Variants in DCAF6 observed in about 807,000 individuals in gnomAD.
DCAF6 encodes DDB1 and CUL4 associated factor 6.
In DCAF6, 54 loss-of-function variants were observed where a neutral mutation model predicts 125.1. The observed-to-expected ratio is 0.43, with a 90% confidence interval of 0.35 to 0.54. The LOEUF (loss-of-function observed/expected upper bound fraction) is 0.54. Among genes scored for constraint, DCAF6 ranks in the 20% least tolerant of loss-of-function variants. The pLI, the probability that DCAF6 is intolerant of heterozygous loss-of-function variation, is 0.01. For synonymous variants in DCAF6, 371 were observed against 390.4 expected (o/e 0.95, Z 0.58); for missense variants, 934 against 1,161.7 (o/e 0.80, Z 2.85).
chr1:167,904,860 A>G, the DCAF6 span: 4 of 1,162,532 alleles, frequency 3.4e-6, no homozygotes, highest in Non-Finnish European at 5.1e-6. Flanking sequence ...TTGTGTTCTC[A>G]GTGGAGCACA....
chr1:167,929,633 CTTAT>C, the DCAF6 span, among the ~76,000 whole-genome samples: 26 of 152,226 alleles, frequency 1.7e-4, no homozygotes, highest in South Asian at 4.8e-3. Flanking sequence ...TCCTAATTTC[CTTAT>C]TTGAGAGAAA....
chr1:167,960,706 CTTTT>C (rs1557894559), intron 2 of DCAF6, among the ~76,000 whole-genome samples: 1 of 152,096 alleles, frequency 6.6e-6, no homozygotes, highest in Non-Finnish European at 1.5e-5. Context: ...GATTTTTATT[CTTTT>C]AAATTTGTTA....
intron 2 of DCAF6, among the ~76,000 whole-genome samples, chr1:167,961,763 G>T (rs1016455812): frequency 6.6e-6 from 1 of 152,110 alleles, no homozygotes; most frequent in Non-Finnish European, 1.5e-5. Flanking sequence ...TCTTTAATTT[G>T]AAAATCTGAA....
At chr1:167,971,508 A>G (rs1224076142) in intron 3 of DCAF6, among the ~76,000 whole-genome samples, 1 of 152,152 alleles carries the variant, frequency 6.6e-6, no homozygotes, top group African/African-American at 2.4e-5. Flanking sequence ...TTACCAAGGG[A>G]TTAAAAAACC....
At chr1:167,887,820 T>C in the DCAF6 span, among the ~76,000 whole-genome samples, 35,176 of 151,676 alleles carry the variant, frequency 0.23, 4,261 homozygotes, top group African/African-American at 0.29. Flanking sequence ...TGTCCATTTT[T>C]GCTTTGGTTG....
intron 21 of DCAF6, among the ~76,000 whole-genome samples, chr1:168,072,205 G>C (rs1693137406): frequency 6.9e-6 from 1 of 145,468 alleles, no homozygotes; most frequent in Non-Finnish European, 1.5e-5. Flanking sequence ...GCTGAGGCAG[G>C]AGAATCGCCT....
chr1:167,876,703 T>C, the DCAF6 span, among the ~76,000 whole-genome samples: 22 of 152,328 alleles, frequency 1.4e-4, 1 homozygote, highest in South Asian at 4.3e-3. Context: ...GTTTGCATAG[T>C]AAACTGATTG....
At chr1:167,974,364 T>C (rs983464713) in intron 3 of DCAF6, among the ~76,000 whole-genome samples, 1 of 152,182 alleles carries the variant, frequency 6.6e-6, no homozygotes, top group Non-Finnish European at 1.5e-5. Context: ...CTTTTAAATA[T>C]TATTAATTGG....
chr1:167,949,081 T>C (rs1315728776), intron 1 of DCAF6, among the ~76,000 whole-genome samples: 5 of 152,230 alleles, frequency 3.3e-5, no homozygotes, highest in Non-Finnish European at 7.3e-5. Flanking sequence ...GTATTAGGTA[T>C]TTGGAATACA....
the DCAF6 span, among the ~76,000 whole-genome samples, chr1:167,906,756 T>G: frequency 1.3e-5 from 2 of 152,092 alleles, no homozygotes; most frequent in Non-Finnish European, 2.9e-5. Context: ...GTCACTGCAC[T>G]CTATCCTAGG....
At chr1:167,916,272 T>C in the DCAF6 span, among the ~76,000 whole-genome samples, 1 of 152,216 alleles carries the variant, frequency 6.6e-6, no homozygotes, top group Admixed American at 6.5e-5. Flanking sequence ...AAAGGCGCGA[T>C]CTCAGCTCAC....
At chr1:167,938,458 G>A (rs1412025846) in intron 1 of DCAF6, among the ~76,000 whole-genome samples, 1 of 152,146 alleles carries the variant, frequency 6.6e-6, no homozygotes, top group Admixed American at 6.5e-5. Flanking sequence ...TTAAGTAGAC[G>A]TTCGCCCTTA....
chr1:167,966,867 T>G (rs1296430719), intron 3 of DCAF6, 146 bp downstream of exon 3: 1 of 556,764 alleles, frequency 1.8e-6, no homozygotes, highest in African/African-American at 1.9e-5. Flanking sequence ...AATTTAGAGG[T>G]TCTTAGGTAC....
rs78397276 is a variant in DCAF6, at chr1:167,944,384, A to G, written c.97+7376A>G. Among the ~76,000 whole-genome samples, 446 of 152,274 alleles carry G rather than the reference A, an allele frequency of 2.9e-3. 1 individual carries two copies. Among genetic ancestry groups the G allele is most frequent in the African/African-American group, 0.01 (424 of 41,538 alleles). Reference sequence around the variant, plus strand: ...AGTTCTATTTTTAATTCTTGGAGAAATCTCCATACTGTTTTCCATAGAGGC... The same window carrying G: ...AGTTCTATTTTTAATTCTTGGAGAAGTCTCCATACTGTTTTCCATAGAGGC... On this transcript the variant is annotated intron_variant, in intron 1 of 21. Coordinates refer to ENST00000367840, the MANE Select transcript of DCAF6 (RefSeq NM_001198956.2).
At chr1:168,006,494 T>C (rs913676802) in intron 10 of DCAF6, among the ~76,000 whole-genome samples, 7 of 152,232 alleles carry the variant, frequency 4.6e-5, no homozygotes, top group Non-Finnish European at 1.0e-4. Flanking sequence ...ATGTAACATC[T>C]GAAGGTTATG....
At chr1:167,878,145 G>A in the DCAF6 span, among the ~76,000 whole-genome samples, 1 of 152,146 alleles carries the variant, frequency 6.6e-6, no homozygotes, top group Non-Finnish European at 1.5e-5. Context: ...GTTGGTGATT[G>A]GGCCCATTTG....
chr1:167,885,848 T>G, the DCAF6 span, among the ~76,000 whole-genome samples: 1 of 152,174 alleles, frequency 6.6e-6, no homozygotes, highest in Non-Finnish European at 1.5e-5. Context: ...ACTCCTGATC[T>G]CGTGACTTGC....
chr1:167,876,991 C>G, the DCAF6 span, among the ~76,000 whole-genome samples: 7 of 152,044 alleles, frequency 4.6e-5, no homozygotes, highest in Non-Finnish European at 1.0e-4. Context: ...TCTGTTGAAC[C>G]CCAGGCACGT....
At chr1:167,891,996 C>G in the DCAF6 span, among the ~76,000 whole-genome samples, 1 of 145,560 alleles carries the variant, frequency 6.9e-6, no homozygotes, top group Admixed American at 6.9e-5. Flanking sequence ...TTTTTAGAGA[C>G]AGGGTCTTGC....
Sources: allele counts gnomAD v4.1 joint callset (sites outside exome capture counted in the v4.1 genomes callset), GRCh38; gene constraint gnomAD v4.1.1; transcripts MANE v1.5; gene names NCBI Gene and HGNC (gene_info 2026-07-23, HGNC 2026-07-21).